The following L3MBTL1 variants were observed in gnomAD, a reference collection of about 807,000 sequenced individuals.
L3MBTL1 encodes lethal(3)malignant brain tumor-like protein 1.
L3MBTL1 carries 75 observed loss-of-function variants against 105.3 expected under a neutral mutation model. The observed-to-expected ratio is 0.71, with a 90% CI of 0.59 to 0.86. The LOEUF is 0.86. Among genes scored for constraint, L3MBTL1 ranks in the 40% least tolerant of loss-of-function variants. The pLI is 0.00. For missense variants in L3MBTL1, 1,069 were observed against 1,126.4 expected, an observed-to-expected ratio of 0.95 and a Z score of 0.73; for synonymous variants, 452 against 436.2, an observed-to-expected ratio of 1.04 and a Z score of -0.45.
intron 16 of L3MBTL1, 31 bp from the exon 17 acceptor site, chr20:43,535,806 C>T (rs776475803): frequency 6.8e-7 from 1 of 1,462,150 alleles, no homozygotes; most frequent in Admixed American, 2.1e-5. Context: ...CCCAGGACTC[C>T]ATGAGGACCG....
Position 43,533,999 on chromosome 20 carries a change from C to G in L3MBTL1, c.1514-9C>G, listed in dbSNP as rs928123037. The G allele has an allele frequency of 6.2e-7, 1 of 1,610,446 alleles. No homozygotes were observed. Among genetic ancestry groups the G allele is most frequent in the Non-Finnish European group, 8.5e-7 (1 of 1,176,760 alleles). On this transcript the variant is annotated splice_polypyrimidine_tract_variant and intron_variant, in intron 13 of 21. Coordinates refer to ENST00000418998, the MANE Select transcript of L3MBTL1 (RefSeq NM_001377303.1). ...GGTGGCTAGACATTGCTCTCATCCT[C>G]TCCTCCAGACTACCCAGACCCTGAT...
At chr20:43,517,863 A>G (rs1213373257) in intron 7 of L3MBTL1, among the ~76,000 whole-genome samples, 1 of 152,128 alleles carries the variant, frequency 6.6e-6, no homozygotes, top group Non-Finnish European at 1.5e-5. Context: ...GCTTCTTCCA[A>G]CTTCTGCCCA....
intron 7 of L3MBTL1, among the ~76,000 whole-genome samples, chr20:43,519,089 C>T (rs1329510713): frequency 2.0e-5 from 3 of 151,966 alleles, no homozygotes; most frequent in Non-Finnish European, 4.4e-5. Flanking sequence ...GTAATCCCAG[C>T]ACTTTGGGAG....
intron 7 of L3MBTL1, 126 bp downstream of exon 7, chr20:43,516,303 G>A (rs1191783623): frequency 2.9e-6 from 2 of 700,056 alleles, no homozygotes; most frequent in Non-Finnish European, 5.1e-6. Flanking sequence ...ATGAGTTAGT[G>A]TGTGTGAAAG....
chr20:43,542,611 C>CAAAAAAAAAAAAAAAAAAA (rs5841503), downstream of L3MBTL1, among the ~76,000 whole-genome samples: 2 of 112,668 alleles, frequency 1.8e-5, no homozygotes, highest in African/African-American at 6.7e-5. Context: ...AAAAATTTAA[C>CAAAAAAAAAAAAAAAAAAA]AAAAAAAAAA....
intron 7 of L3MBTL1, among the ~76,000 whole-genome samples, chr20:43,520,152 T>C (rs568174213): frequency 1.3e-5 from 2 of 152,304 alleles, no homozygotes; most frequent in South Asian, 4.1e-4. Context: ...TTCATATAAA[T>C]GGAATTATAT....
chr20:43,545,125 A>G (rs1010214837), downstream of L3MBTL1, among the ~76,000 whole-genome samples: 4 of 152,064 alleles, frequency 2.6e-5, no homozygotes, highest in African/African-American at 9.7e-5. Flanking sequence ...GAGGCCAGGC[A>G]TGGTGGCGCA....
chr20:43,513,061 G>A (rs554351405), intron 1 of L3MBTL1, among the ~76,000 whole-genome samples: 2 of 152,334 alleles, frequency 1.3e-5, no homozygotes, highest in African/African-American at 4.8e-5. Context: ...ATCCCCAGAG[G>A]GAGGAGGGAG....
chr20:43,531,165 C>CCTG, intron 11 of L3MBTL1: 1 of 417,498 alleles, frequency 2.4e-6, no homozygotes, highest in South Asian at 4.2e-5. Flanking sequence ...CTACCCTAGT[C>CCTG]TGAGCACTGA....
chr20:43,510,407 T>TTTC (rs767492683), intron 1 of L3MBTL1, among the ~76,000 whole-genome samples: 6 of 17,832 alleles, frequency 3.4e-4, no homozygotes, highest in Admixed American at 1.1e-3. Context: ...TCTTTCTTTC[T>TTTC]TTTTTTTTTT....
In L3MBTL1 at chr20:43,541,319, T is replaced by C. The variant is rs2019905960; in HGVS notation, c.*191T>C. 1.8e-6 allele frequency: 2 copies of C among 1,116,538 alleles called. No individual in the cohort carries two copies. The highest frequency in any genetic ancestry group is 2.4e-6 in the Non-Finnish European group (2 of 816,574). The allele number at this position is 1,116,538 out of a possible 1,614,324, so 69.2% of individuals were successfully genotyped here. A position where few individuals can be genotyped will look rare whatever the true frequency, so the allele number is the denominator to read the frequency against. On this transcript the variant is annotated 3_prime_UTR_variant, in exon 22 of 22. Transcript: ENST00000418998. ...TGGGTTTAAATCCCAGTTCTGTCAATTTGAGCTGTTTACTGTCTCTGAGCC... is the reference window on the plus strand; with the variant it reads ...TGGGTTTAAATCCCAGTTCTGTCAACTTGAGCTGTTTACTGTCTCTGAGCC...
Position 43,540,929 on chromosome 20 carries a change from A to C in L3MBTL1, c.2395-5A>C, listed in dbSNP as rs1220686413. On this transcript the variant is annotated splice_polypyrimidine_tract_variant and splice_region_variant and intron_variant, in intron 21 of 21. Coordinates refer to ENST00000418998, the MANE Select transcript of L3MBTL1 (RefSeq NM_001377303.1). ...GCTAAGGAGGGACCCGTGTTGCCCC[A>C]CCAGGCAAGAATAGTCAGAGTGACC... The C allele has an allele frequency of 4.3e-6, 7 of 1,613,936 alleles. No homozygotes were observed. Among genetic ancestry groups the C allele is most frequent in the Non-Finnish European group, 5.1e-6 (6 of 1,179,878 alleles).
chr20:43,516,732 C>T (rs1036674624), intron 7 of L3MBTL1, among the ~76,000 whole-genome samples: 5 of 152,014 alleles, frequency 3.3e-5, no homozygotes, highest in African/African-American at 1.2e-4. Context: ...CTCTCTTCTG[C>T]CCTCAAAACC....
chr20:43,519,099 G>A (rs563552667), intron 7 of L3MBTL1, among the ~76,000 whole-genome samples: 1 of 152,168 alleles, frequency 6.6e-6, no homozygotes, highest in Admixed American at 6.5e-5. Flanking sequence ...CACTTTGGGA[G>A]GCTGAGGTGG....
intron 7 of L3MBTL1, among the ~76,000 whole-genome samples, chr20:43,521,351 T>A (rs7271974): frequency 6.6e-6 from 1 of 152,220 alleles, no homozygotes; most frequent in Non-Finnish European, 1.5e-5. Context: ...TTTTTAATTA[T>A]CTATACTGAG....
At position 43,540,113 on chromosome 20, in the gene L3MBTL1, T is replaced by C. The variant is rs753693253; in HGVS notation, c.2174-38T>C. 8.1e-6 allele frequency: 13 copies of C among 1,605,494 alleles called. No individual in the cohort carries two copies. The Admixed American group carries it at 1.7e-4, about 21-fold the overall frequency. On this transcript the variant is annotated intron_variant, in intron 19 of 21. Coordinates refer to ENST00000418998, the MANE Select transcript of L3MBTL1 (RefSeq NM_001377303.1). ...ATGGGCTTCGGGAACAGTTTAGTCA[T>C]CCTCGTTGGCCTGCCAGCCTCTGCC...
chr20:43,512,817 C>T (rs1241796616), intron 1 of L3MBTL1, among the ~76,000 whole-genome samples: 1 of 152,206 alleles, frequency 6.6e-6, no homozygotes, highest in African/African-American at 2.4e-5. Context: ...GCTTCTACTG[C>T]CTTTGCGTTA....
intron 7 of L3MBTL1, chr20:43,523,608 A>G (rs1600918477): frequency 4.6e-6 from 1 of 218,840 alleles, no homozygotes; most frequent in East Asian, 1.1e-4. Context: ...CAGACAGTAG[A>G]CTATAGCAGG....
At chr20:43,530,927 G>A in intron 11 of L3MBTL1, 38 bp downstream of exon 11, 8 of 1,551,152 alleles carry the variant, frequency 5.2e-6, no homozygotes, top group Non-Finnish European at 7.1e-6. Flanking sequence ...TCACTCCCAT[G>A]TGCCAGAGTT....
Sources: allele counts gnomAD v4.1 joint callset (sites outside exome capture counted in the v4.1 genomes callset), GRCh38; gene constraint gnomAD v4.1.1; transcripts MANE v1.5; gene names NCBI Gene and HGNC (gene_info 2026-07-23, HGNC 2026-07-21).